Variants in SEC23B observed in about 807,000 individuals in gnomAD.
SEC23B encodes the protein protein transport protein Sec23B.
SEC23B carries 77 observed loss-of-function variants against 104.3 expected under a neutral mutation model. The observed-to-expected ratio is 0.74, with a 90% CI of 0.61 to 0.89. The LOEUF (loss-of-function observed/expected upper bound fraction) is 0.89. Among genes scored for constraint, SEC23B ranks in the 40% least tolerant of loss-of-function variants. The pLI, the probability that SEC23B is intolerant of heterozygous loss-of-function variation, is 0.00. For synonymous variants in SEC23B, 338 were observed against 332.5 expected (o/e 1.02, Z -0.18); for missense variants, 885 against 949.4 (o/e 0.93, Z 0.89).
In SEC23B at chr20:18,524,495, C is replaced by G. The variant is rs760141655; in HGVS notation, c.429C>G (p.Asp143Glu). 6.2e-7 allele frequency: 1 copy of G among 1,614,190 alleles called. No individual in the cohort carries two copies. Among genetic ancestry groups the G allele is most frequent in the South Asian group, 1.1e-5 (1 of 91,082 alleles). ...TTGACACATGCCTGGAGGAAGATGA[C>G]CTTCAAGCACTCAAAGAGTCCCTGC... ...YVVDTCLEED[D>E]LQALKESLQM... The change falls in exon 5 of 20, where the codon GAC (aspartate) becomes GAG (glutamate). Residue 143 changes from aspartate (D) to glutamate (E), a missense_variant. Coordinates refer to ENST00000650089, the MANE Select transcript of SEC23B (RefSeq NM_006363.6).
intron 11 of SEC23B, among the ~76,000 whole-genome samples, chr20:18,533,098 A>C (rs2060200970): frequency 6.6e-6 from 1 of 152,208 alleles, no homozygotes. Context: ...GTCCTTCCAG[A>C]GTAAGCCTAT....
At position 18,543,036 on chromosome 20, in the gene SEC23B, G is replaced by A; in HGVS notation, c.1529G>A (p.Ser510Asn). 1.9e-6 allele frequency: 3 copies of A among 1,614,190 alleles called. No individual in the cohort carries two copies. Among genetic ancestry groups the A allele is most frequent in the Non-Finnish European group, 2.5e-6 (3 of 1,180,040 alleles). Residue 510 changes from serine (S) to asparagine (N), a missense_variant, in exon 14 of 20, where the codon AGT becomes AAT. By Grantham distance (46) the Ser-to-Asn change is conservative (BLOSUM62 1). Transcript: ENST00000650089. ...ATTGTCAGTTGGGCAGATGTACAGA[G>A]TCAGCTCAGGCACATAGAAGCAGCA... ...TIARNWADVQ[S>N]QLRHIEAAFD...
At position 18,527,214 on chromosome 20, in the gene SEC23B, C is replaced by A. The variant is rs6112010; in HGVS notation, c.994-282C>A. Among the ~76,000 whole-genome samples, 103,314 of 151,764 alleles carry A rather than the reference C, an allele frequency of 0.68. 36,582 individuals are homozygous for A. The highest frequency in any genetic ancestry group is 0.8 in the Non-Finnish European group (54,040 of 67,898). ...CCTGGGTGACGGAGTGAGACTGTCT[C>A]AAAAAGTAAATAAAAATAAAAATAC... is the stretch of plus-strand genomic sequence containing the variant. On this transcript the variant is annotated intron_variant, in intron 8 of 19. Coordinates refer to ENST00000650089, the MANE Select transcript of SEC23B (RefSeq NM_006363.6).
Position 18,550,976 on chromosome 20 carries a change from T to C in SEC23B, c.1906-113T>C, listed in dbSNP as rs1484796445. ...GGTGACTTACTGTGCTGGGCACCAT[T>C]TGTAAATAGCCTTTGCTGTGGATAC... On this transcript the variant is annotated intron_variant, in intron 16 of 19. Transcript: ENST00000650089. 5 of 765,674 alleles carry C rather than the reference T, an allele frequency of 6.5e-6. No homozygotes were observed. The Admixed American group carries it at 8.7e-5, about 13-fold the overall frequency. The allele number at this position is 765,674 out of a possible 1,614,324, so 47.4% of individuals were successfully genotyped here.
At chr20:18,526,025 A>G (rs2060131005) in intron 7 of SEC23B, 93 bp downstream of exon 7, 3 of 1,383,078 alleles carry the variant, frequency 2.2e-6, no homozygotes, top group Non-Finnish European at 3.1e-6. Flanking sequence ...CTTGTGATCT[A>G]AGTCAACCGT....
At chr20:18,531,957 C>G (rs2060192119) in intron 10 of SEC23B, among the ~76,000 whole-genome samples, 1 of 152,084 alleles carries the variant, frequency 6.6e-6, no homozygotes, top group Non-Finnish European at 1.5e-5. Context: ...ACTCAGGAGG[C>G]TGAGGCGGGA....
chr20:18,552,853 A>G (rs2060401394), intron 17 of SEC23B, among the ~76,000 whole-genome samples: 1 of 152,150 alleles, frequency 6.6e-6, no homozygotes, highest in Non-Finnish European at 1.5e-5. Context: ...AACGATTTAT[A>G]TAGTTTCTAC....
At chr20:18,520,548 T>G (rs1202060745) in intron 4 of SEC23B, among the ~76,000 whole-genome samples, 1 of 152,010 alleles carries the variant, frequency 6.6e-6, no homozygotes, top group Non-Finnish European at 1.5e-5. Flanking sequence ...AAGCAGATAA[T>G]TTAGTTAAAA....
intron 10 of SEC23B, among the ~76,000 whole-genome samples, chr20:18,531,252 A>G (rs1379016047): frequency 2.0e-5 from 3 of 152,238 alleles, no homozygotes; most frequent in Non-Finnish European, 2.9e-5. Flanking sequence ...GCCTGAGGAC[A>G]GGGGCAGCCA....
chr20:18,512,383 G>T (rs1028271462), intron 3 of SEC23B, 101 bp downstream of exon 3: 1 of 719,788 alleles, frequency 1.4e-6, no homozygotes, highest in African/African-American at 1.8e-5. Flanking sequence ...GCAGTGAGCA[G>T]TTTCTGCTGA....
chr20:18,521,253 G>C (rs2060081332), intron 4 of SEC23B, among the ~76,000 whole-genome samples: 1 of 152,208 alleles, frequency 6.6e-6, no homozygotes, highest in African/African-American at 2.4e-5. Context: ...ATTAAGTCCT[G>C]TTGTGGGGTT....
chr20:18,529,500 G>C (rs982874493), intron 9 of SEC23B, among the ~76,000 whole-genome samples: 1 of 152,212 alleles, frequency 6.6e-6, no homozygotes, highest in Non-Finnish European at 1.5e-5. Context: ...TCTGGCGGTA[G>C]GCAGTCCGGG....
chr20:18,532,782 C>T (rs772447737), intron 11 of SEC23B, 38 bp downstream of exon 11: 11 of 1,443,426 alleles, frequency 7.6e-6, no homozygotes, highest in Middle Eastern at 1.7e-4. Flanking sequence ...CCTCCTGCCC[C>T]GGATTTAACC....
chr20:18,522,779 C>T (rs6132075), intron 4 of SEC23B, among the ~76,000 whole-genome samples: 103,506 of 152,002 alleles, frequency 0.68, 36,687 homozygotes, highest in Non-Finnish European at 0.8. Context: ...ACAAATCGGC[C>T]GGGCGTGGTG....
intron 19 of SEC23B, among the ~76,000 whole-genome samples, chr20:18,556,901 C>A (rs1410702156): frequency 6.6e-6 from 1 of 152,302 alleles, no homozygotes; most frequent in Admixed American, 6.5e-5. Flanking sequence ...GTGGCTGAGG[C>A]AGGAGAATTG....
At chr20:18,546,268 G>T (rs977429708) in intron 15 of SEC23B, among the ~76,000 whole-genome samples, 13 of 152,058 alleles carry the variant, frequency 8.5e-5, no homozygotes, top group Non-Finnish European at 1.8e-4. Flanking sequence ...TCATGAACAG[G>T]CAAAATAGGA....
chr20:18,545,345 A>G (rs981076825), intron 14 of SEC23B, among the ~76,000 whole-genome samples: 1 of 152,144 alleles, frequency 6.6e-6, no homozygotes, highest in African/African-American at 2.4e-5. Flanking sequence ...CTGAAGGAGA[A>G]AGTTTCGAGA....
intron 19 of SEC23B, among the ~76,000 whole-genome samples, chr20:18,558,243 G>C (rs2060459577): frequency 6.6e-6 from 1 of 152,120 alleles, no homozygotes; most frequent in Admixed American, 6.5e-5. Flanking sequence ...GGTTTCTTAT[G>C]AAAAGTTCAC....
At chr20:18,519,832 T>C (rs899328766) in intron 4 of SEC23B, among the ~76,000 whole-genome samples, 1 of 151,998 alleles carries the variant, frequency 6.6e-6, no homozygotes, top group Admixed American at 6.6e-5. Flanking sequence ...GTAGAAGAGA[T>C]TGGGGTTTGG....
Sources: allele counts gnomAD v4.1 joint callset (sites outside exome capture counted in the v4.1 genomes callset), GRCh38; gene constraint gnomAD v4.1.1; transcripts MANE v1.5; gene names NCBI Gene and HGNC (gene_info 2026-07-23, HGNC 2026-07-21).